The following KYAT3 variants were observed in gnomAD, a reference collection of about 807,000 sequenced individuals.
The protein encoded by KYAT3 is kynurenine--oxoglutarate transaminase 3.
Under a neutral mutation model 59.0 loss-of-function variants are expected in KYAT3, and 50 were observed. That is an observed-to-expected ratio of 0.85 (90% CI 0.68 to 1.07). KYAT3 has a LOEUF of 1.07. Ranked by LOEUF, KYAT3 falls within the 50% of genes least tolerant of loss-of-function variation. The pLI is 0.00. For synonymous variants in KYAT3, 148 were observed against 177.0 expected, an observed-to-expected ratio of 0.84 and a Z score of 1.30; for missense variants, 497 against 533.3, an observed-to-expected ratio of 0.93 and a Z score of 0.67.
the KYAT3 span, among the ~76,000 whole-genome samples, chr1:88,925,150 G>A: frequency 2.6e-5 from 4 of 152,184 alleles, no homozygotes; most frequent in South Asian, 2.1e-4. Flanking sequence ...CGTCCGGTTC[G>A]TCTGTCTGGA....
chr1:88,967,427 G>C (rs1266329767), intron 4 of KYAT3, among the ~76,000 whole-genome samples: 2 of 151,276 alleles, frequency 1.3e-5, no homozygotes, highest in Non-Finnish European at 3.0e-5. Flanking sequence ...TGCGGTTTTT[G>C]TCATTAAAAT....
rs777248500 is a variant in KYAT3 at position 88,955,217 on chromosome 1, G to A, written c.796C>T (p.Pro266Ser). ...GTTATTGTTCTCTCCCACATACCTG[G>A]AAAAGTAGCTAAACAGAGGAGGAAA... Reference protein sequence around the residue: ...GNKHLKIATFPGMWERTITIG... With the variant: ...GNKHLKIATFSGMWERTITIG... Residue 266 changes from proline to serine, a missense_variant, in exon 9 of 14, where the codon CCA becomes TCA. Physicochemically the swap from Pro to Ser is moderately conservative, Grantham distance 74. This residue lies in a region of KYAT3 where 469 missense variants were observed against 479.1 expected (regional missense o/e 0.98). Coordinates refer to ENST00000260508, the MANE Select transcript of KYAT3 (RefSeq NM_001008661.3). 1 of 1,607,316 alleles carries A rather than the reference G, an allele frequency of 6.2e-7. No individual in the cohort carries two copies. Among genetic ancestry groups the A allele is most frequent in the East Asian group, 2.2e-5 (1 of 44,788 alleles).
At chr1:88,988,716 TC>T (rs1293735843) in intron 1 of KYAT3, among the ~76,000 whole-genome samples, 1 of 152,238 alleles carries the variant, frequency 6.6e-6, no homozygotes, top group Non-Finnish European at 1.5e-5. Flanking sequence ...TAGGAACTAC[TC>T]AAATTTCAGA....
At chr1:88,961,048 A>G in intron 8 of KYAT3, 119 bp downstream of exon 8, 1 of 909,636 alleles carries the variant, frequency 1.1e-6, no homozygotes, top group Non-Finnish European at 1.7e-6. Context: ...TAAAGTGTTC[A>G]TACAGACAGA....
chr1:88,930,795 G>A (rs1674891303), downstream of KYAT3, among the ~76,000 whole-genome samples: 1 of 152,144 alleles, frequency 6.6e-6, no homozygotes, highest in African/African-American at 2.4e-5. Context: ...GCCATTAGGA[G>A]ATTATTATTG....
chr1:88,975,832 C>G (rs1676765313), intron 2 of KYAT3, among the ~76,000 whole-genome samples: 1 of 151,534 alleles, frequency 6.6e-6, no homozygotes, highest in Non-Finnish European at 1.5e-5. Flanking sequence ...GTCAGGAGTT[C>G]AAGACCATCC....
downstream of KYAT3, among the ~76,000 whole-genome samples, chr1:88,934,231 G>T (rs534278529): frequency 6.6e-6 from 1 of 152,234 alleles, no homozygotes; most frequent in South Asian, 2.1e-4. Flanking sequence ...GAGGCGGGCG[G>T]ATCACTTGAG....
At chr1:88,929,897 T>G in the KYAT3 span, among the ~76,000 whole-genome samples, 1 of 152,168 alleles carries the variant, frequency 6.6e-6, no homozygotes, top group Non-Finnish European at 1.5e-5. Flanking sequence ...AGCCAGGCCT[T>G]TATATACACT....
chr1:88,983,999 C>G (rs1038088182), intron 2 of KYAT3: 4 of 552,580 alleles, frequency 7.2e-6, no homozygotes, highest in Non-Finnish European at 1.3e-5. Flanking sequence ...GTATGGCTAT[C>G]CATTCAAAAA....
At chr1:88,943,805 A>G (rs17472003) in intron 11 of KYAT3, among the ~76,000 whole-genome samples, 14,607 of 152,242 alleles carry the variant, frequency 0.096, 775 homozygotes, top group Middle Eastern at 0.18. Flanking sequence ...CAGTAAGATT[A>G]TATCTCCACA....
At chr1:88,943,149 T>C in intron 12 of KYAT3, 58 bp from the exon 13 acceptor site, 1 of 1,347,916 alleles carries the variant, frequency 7.4e-7, no homozygotes, top group East Asian at 2.3e-5. Flanking sequence ...AATATTAATT[T>C]TGGTACTACA....
the KYAT3 span, among the ~76,000 whole-genome samples, chr1:88,925,059 CG>C: frequency 6.6e-6 from 1 of 152,152 alleles, no homozygotes; most frequent in Non-Finnish European, 1.5e-5. Flanking sequence ...ACTTCCAAAG[CG>C]GTGAGTAATA....
chr1:88,943,566 G>A (rs1029551429), intron 11 of KYAT3, 143 bp from the exon 12 acceptor site: 1 of 616,966 alleles, frequency 1.6e-6, no homozygotes, highest in African/African-American at 1.9e-5. Flanking sequence ...CACAGAATAT[G>A]CTGGAGTCTC....
chr1:88,986,944 A>G (rs1232293433), intron 2 of KYAT3, among the ~76,000 whole-genome samples: 1 of 152,208 alleles, frequency 6.6e-6, no homozygotes, highest in Non-Finnish European at 1.5e-5. Context: ...CACTTTTCCA[A>G]TGTAGTTAAA....
intron 11 of KYAT3, among the ~76,000 whole-genome samples, chr1:88,943,644 A>G (rs190280645): frequency 6.6e-6 from 1 of 152,332 alleles, no homozygotes; most frequent in East Asian, 1.9e-4. Flanking sequence ...GTACTCACAT[A>G]TACATCAGGG....
chr1:88,987,769 C>A (rs952096441), intron 2 of KYAT3, among the ~76,000 whole-genome samples: 11 of 152,156 alleles, frequency 7.2e-5, no homozygotes, highest in African/African-American at 2.7e-4. Context: ...CATTACCACA[C>A]CTCACCAACA....
chr1:88,991,409 A>G (rs1397775594), intron 1 of KYAT3, among the ~76,000 whole-genome samples: 2 of 152,280 alleles, frequency 1.3e-5, no homozygotes, highest in East Asian at 3.8e-4. Context: ...AAAAAGGGCT[A>G]CAGCTAATAA....
intron 13 of KYAT3, among the ~76,000 whole-genome samples, chr1:88,940,293 A>G: frequency 6.6e-6 from 1 of 152,044 alleles, no homozygotes; most frequent in Non-Finnish European, 1.5e-5. Flanking sequence ...GCTGGTTGTG[A>G]ACTGCTGACC....
At chr1:88,929,295 T>TATCA in the KYAT3 span, among the ~76,000 whole-genome samples, 1 of 152,110 alleles carries the variant, frequency 6.6e-6, no homozygotes, top group Admixed American at 6.6e-5. Flanking sequence ...ATCTCAGGAT[T>TATCA]ATCAATGAGG....
Sources: allele counts gnomAD v4.1 joint callset (sites outside exome capture counted in the v4.1 genomes callset), GRCh38; gene constraint gnomAD v4.1.1; regional missense constraint gnomAD v4.1.1; transcripts MANE v1.5; gene names NCBI Gene and HGNC (gene_info 2026-07-23, HGNC 2026-07-21).